Variants in SLC6A5 observed in about 807,000 individuals in gnomAD.
SLC6A5 encodes sodium- and chloride-dependent glycine transporter 2.
In SLC6A5, 58 loss-of-function variants were observed where a neutral mutation model predicts 90.5. The ratio of observed to expected loss-of-function variants is 0.64; its 90% CI spans 0.52 to 0.80. The LOEUF (loss-of-function observed/expected upper bound fraction) is 0.80. Among genes scored for constraint, SLC6A5 ranks in the 30% least tolerant of loss-of-function variants. The probability of loss-of-function intolerance (pLI) is 0.00; values close to 1 mark genes in which losing one functional copy is unlikely to be tolerated. For synonymous variants in SLC6A5, 427 were observed against 401.4 expected (o/e 1.06, Z -0.76); for missense variants, 1,015 against 1,017.6 (o/e 1.00, Z 0.03).
At chr11:20,609,469 C>T (rs1852654647) in intron 5 of SLC6A5, among the ~76,000 whole-genome samples, 1 of 152,064 alleles carries the variant, frequency 6.6e-6, no homozygotes, top group Non-Finnish European at 1.5e-5. Context: ...TTGATGGTGG[C>T]CTGACTTGCA....
At chr11:20,617,687 A>G (rs1852807275) in intron 6 of SLC6A5, 65 bp from the exon 7 acceptor site, 9 of 1,461,526 alleles carry the variant, frequency 6.2e-6, no homozygotes, top group Admixed American at 5.0e-5. Flanking sequence ...CTTAAAGCCT[A>G]CTGCCTGTCA....
intron 5 of SLC6A5, among the ~76,000 whole-genome samples, chr11:20,610,131 A>C (rs1258219041): frequency 6.6e-6 from 1 of 152,232 alleles, no homozygotes; most frequent in Non-Finnish European, 1.5e-5. Context: ...TTTATTAATA[A>C]TTGCCCAAGT....
chr11:20,600,859 AC>A (rs1460223543), intron 1 of SLC6A5, among the ~76,000 whole-genome samples: 1 of 152,168 alleles, frequency 6.6e-6, no homozygotes, highest in African/African-American at 2.4e-5. Context: ...TTCCCCCTTT[AC>A]CCTTACAAAA....
intron 7 of SLC6A5, among the ~76,000 whole-genome samples, chr11:20,626,315 C>T (rs991429021): frequency 1.3e-5 from 2 of 152,164 alleles, no homozygotes; most frequent in Non-Finnish European, 2.9e-5. Context: ...GGATGGAAAG[C>T]TTAAGCTAAT....
intron 15 of SLC6A5, among the ~76,000 whole-genome samples, chr11:20,653,030 A>G (rs1220216628): frequency 6.6e-6 from 1 of 152,094 alleles, no homozygotes; most frequent in Non-Finnish European, 1.5e-5. Flanking sequence ...CCCTTGCTGG[A>G]CCCAATTCCC....
chr11:20,632,395 C>A (rs1274917592), intron 10 of SLC6A5, among the ~76,000 whole-genome samples: 1 of 152,114 alleles, frequency 6.6e-6, no homozygotes, highest in Non-Finnish European at 1.5e-5. Context: ...GGAGATATTG[C>A]AAAAACTCAA....
intron 7 of SLC6A5, among the ~76,000 whole-genome samples, chr11:20,619,808 G>A (rs1852855674): frequency 6.6e-6 from 1 of 152,174 alleles, no homozygotes; most frequent in African/African-American, 2.4e-5. Context: ...CTTCTACTCT[G>A]TGACCTCAGT....
chr11:20,625,079 G>A (rs1801920679), intron 7 of SLC6A5, among the ~76,000 whole-genome samples: 1 of 152,146 alleles, frequency 6.6e-6, no homozygotes, highest in Admixed American at 6.5e-5. Flanking sequence ...TCAGAATTTG[G>A]ACCCAGGCTC....
At chr11:20,612,251 C>T (rs1201297721) in intron 5 of SLC6A5, among the ~76,000 whole-genome samples, 1 of 152,204 alleles carries the variant, frequency 6.6e-6, no homozygotes, top group Non-Finnish European at 1.5e-5. Flanking sequence ...AAAGCTATAA[C>T]AATGATGATT....
At chr11:20,608,944 C>CTGTG (rs1410710502) in intron 5 of SLC6A5, among the ~76,000 whole-genome samples, 1 of 118,726 alleles carries the variant, frequency 8.4e-6, no homozygotes, top group Non-Finnish European at 2.0e-5. Context: ...CTCTCTCTCT[C>CTGTG]TCTCTCTCTC....
intron 5 of SLC6A5, among the ~76,000 whole-genome samples, chr11:20,609,200 T>C (rs1238938109): frequency 6.6e-6 from 1 of 152,150 alleles, no homozygotes; most frequent in Non-Finnish European, 1.5e-5. Context: ...ACAATGTACA[T>C]TTTTCACGCT....
chr11:20,655,326 G>GTTT lies in SLC6A5; in HGVS notation c.*469_*471dup. On this transcript the variant is annotated 3_prime_UTR_variant, in exon 16 of 16. Transcript: ENST00000525748. ...TTCAGACACACAAAGTTCAAGACAG[G>GTTT]TTTTTTTTTTTTTCAGAGAGTTAGC... is the stretch of plus-strand genomic sequence containing the variant. The GTTT allele has an allele frequency of 2.2e-5, 4 of 183,176 alleles. No individual in the cohort carries two copies. Among genetic ancestry groups the GTTT allele is most frequent in the South Asian group, 2.2e-4 (2 of 9,090 alleles). 11.3% of individuals were successfully genotyped at this position (183,176 alleles called of 1,614,324 possible).
At chr11:20,645,371 T>TGG (rs1853392653) in intron 13 of SLC6A5, among the ~76,000 whole-genome samples, 1 of 151,310 alleles carries the variant, frequency 6.6e-6, no homozygotes. Flanking sequence ...ATGGCAGAAG[T>TGG]GGGAGAGGTG....
intron 6 of SLC6A5, among the ~76,000 whole-genome samples, chr11:20,617,039 C>G (rs919990194): frequency 7.2e-5 from 11 of 152,208 alleles, no homozygotes; most frequent in African/African-American, 2.7e-4. Context: ...GAAGCTGCCT[C>G]CTTTCCTCAG....
intron 2 of SLC6A5, among the ~76,000 whole-genome samples, chr11:20,601,941 G>C (rs112789917): frequency 0.018 from 2,772 of 152,356 alleles, 97 homozygotes; most frequent in African/African-American, 0.061. Context: ...ATCCACGAAA[G>C]AGTTGAGGAA....
At position 20,640,112 on chromosome 11, in the gene SLC6A5, A is replaced by G. The variant is rs1194076919; in HGVS notation, c.1969+1554A>G. On this transcript the variant is annotated intron_variant, in intron 13 of 15. Coordinates refer to ENST00000525748, the MANE Select transcript of SLC6A5 (RefSeq NM_004211.5). Reference sequence around the variant, plus strand: ...CCAGGAGAGGCAAAAAGAAGCCTCCAAGGTCTTTCTTTGGCACCTCAGCAC... The same window carrying G: ...CCAGGAGAGGCAAAAAGAAGCCTCCGAGGTCTTTCTTTGGCACCTCAGCAC... Among the ~76,000 whole-genome samples the G allele has an allele frequency of 2.6e-5, 4 of 152,212 alleles. No individual in the cohort carries two copies. In the East Asian group the frequency reaches 7.7e-4, roughly 29 times the overall value.
chr11:20,608,861 T>G (rs1241791733), intron 5 of SLC6A5, among the ~76,000 whole-genome samples: 2 of 151,848 alleles, frequency 1.3e-5, no homozygotes, highest in African/African-American at 2.4e-5. Flanking sequence ...GAGATGACAT[T>G]TTTTTCTGCA....
At chr11:20,647,831 G>T (rs769768645) in intron 14 of SLC6A5, among the ~76,000 whole-genome samples, 19 of 152,176 alleles carry the variant, frequency 1.2e-4, no homozygotes, top group Non-Finnish European at 1.9e-4. Context: ...CAACACAGCT[G>T]CTCTACAACT....
At position 20,654,891 on chromosome 11, in the gene SLC6A5, G is replaced by A. The variant is rs116313557; in HGVS notation, c.*23G>A. The A allele has an allele frequency of 6.2e-6, 10 of 1,613,010 alleles. No individual in the cohort carries two copies. In the South Asian group the frequency reaches 7.7e-5, roughly 12 times the overall value. ...TAGTCCAGTGGTGTGGGATGGTCCA[G>A]ACTTGATCCTGTTTTTCCTCTCTGC... On this transcript the variant is annotated 3_prime_UTR_variant, in exon 16 of 16. Transcript: ENST00000525748.
Sources: allele counts gnomAD v4.1 joint callset (sites outside exome capture counted in the v4.1 genomes callset), GRCh38; gene constraint gnomAD v4.1.1; transcripts MANE v1.5; gene names NCBI Gene and HGNC (gene_info 2026-07-23, HGNC 2026-07-21).